Variants in MICAL2 observed in about 807,000 individuals in gnomAD.
MICAL2 encodes microtubule associated monooxygenase, calponin and LIM domain containing 2, also known as [F-actin]-monooxygenase MICAL2.
In MICAL2, 77 loss-of-function variants were observed where a neutral mutation model predicts 127.3. The observed-to-expected ratio is 0.60, with a 90% CI of 0.50 to 0.73. The LOEUF (loss-of-function observed/expected upper bound fraction) is 0.73. Ranked by LOEUF, MICAL2 falls within the 30% of genes least tolerant of loss-of-function variation. The probability of loss-of-function intolerance (pLI) is 0.00; values close to 1 mark genes in which losing one functional copy is unlikely to be tolerated. For missense variants in MICAL2, 1,351 were observed against 1,434.4 expected (o/e 0.94, Z 0.94); for synonymous variants, 570 against 551.1 (o/e 1.03, Z -0.48).
rs532207082 is a variant in MICAL2, at chr11:12,215,704, C to T, written c.848-515C>T. Among the ~76,000 whole-genome samples, 6 of 152,326 alleles carry T rather than the reference C, an allele frequency of 3.9e-5. No individual in the cohort carries two copies. The South Asian group carries it at 1.2e-3, about 32-fold the overall frequency. ...GTGGAAAGCACAAAAAGATACAGCCCAGCCTTCTAACCTGAGTTGTTCCTA... is the reference window on the plus strand; with the variant it reads ...GTGGAAAGCACAAAAAGATACAGCCTAGCCTTCTAACCTGAGTTGTTCCTA... On this transcript the variant is annotated intron_variant, in intron 7 of 27. Coordinates refer to ENST00000683283, the MANE Select transcript of MICAL2 (RefSeq NM_001282663.2).
chr11:12,201,485 C>A (rs895062993), intron 3 of MICAL2, among the ~76,000 whole-genome samples: 1 of 151,422 alleles, frequency 6.6e-6, no homozygotes, highest in African/African-American at 2.4e-5. Flanking sequence ...GGAGTGGGTG[C>A]GCATTCCCTT....
chr11:12,276,011 G>A (rs564899511), upstream of MICAL2: 8 of 399,320 alleles, frequency 2.0e-5, no homozygotes, highest in Admixed American at 4.4e-5. Flanking sequence ...CCAAGAGGCC[G>A]AAGAGCATCT....
chr11:12,286,727 T>G (rs1235262032), intron 2 of MICAL2, among the ~76,000 whole-genome samples: 1 of 151,896 alleles, frequency 6.6e-6, no homozygotes, highest in African/African-American at 2.4e-5. Context: ...ATTAAAAAAT[T>G]ATCTGCGTGT....
intron 2 of MICAL2, among the ~76,000 whole-genome samples, chr11:12,159,669 G>A (rs886439395): frequency 1.3e-5 from 2 of 152,150 alleles, no homozygotes; most frequent in African/African-American, 4.8e-5. Flanking sequence ...TGTGTTTTTC[G>A]GCCAGCCACT....
At chr11:12,127,621 G>A (rs1042899671) in intron 1 of MICAL2, among the ~76,000 whole-genome samples, 5 of 152,184 alleles carry the variant, frequency 3.3e-5, no homozygotes, top group African/African-American at 1.2e-4. Flanking sequence ...GGGACTTTGG[G>A]AGCACAGGGA....
intron 2 of MICAL2, among the ~76,000 whole-genome samples, chr11:12,149,310 G>A (rs533253407): frequency 4.3e-4 from 65 of 152,294 alleles, no homozygotes; most frequent in Admixed American, 3.3e-3. Flanking sequence ...GGTAGTTTTT[G>A]TTTTGCTCCA....
At position 12,326,222 on chromosome 11, in the gene MICAL2, G is replaced by A. The variant is rs569510517; in HGVS notation, c.5422-951G>A. The stretch of plus-strand genomic sequence containing the variant: ...AAAGTAAAACAGAGGAGGAACACAG[G>A]CATTCTGTCTGCCCAAACAACTGAC... On this transcript the variant is annotated intron_variant, in intron 31 of 34. Transcript: ENST00000646065. Among the ~76,000 whole-genome samples the A allele has an allele frequency of 5.3e-5, 8 of 152,282 alleles. No homozygotes were observed. In the East Asian group the frequency reaches 1.5e-3, roughly 29 times the overall value.
chr11:12,237,679 G>A (rs1859274616), intron 16 of MICAL2, among the ~76,000 whole-genome samples: 1 of 152,178 alleles, frequency 6.6e-6, no homozygotes, highest in African/African-American at 2.4e-5. Flanking sequence ...CAACGGTTTT[G>A]CTTTAAGTCA....
intron 26 of MICAL2, chr11:12,261,002 G>A (rs2134708523): frequency 1.0e-6 from 1 of 985,538 alleles, no homozygotes; most frequent in Non-Finnish European, 1.2e-6. Flanking sequence ...TCAACTGATG[G>A]CATTTTAGCC....
chr11:12,208,309 A>G (rs1197697965), intron 5 of MICAL2, 170 bp downstream of exon 5: 2 of 567,170 alleles, frequency 3.5e-6, no homozygotes, highest in Non-Finnish European at 6.2e-6. Flanking sequence ...CTATGACTTT[A>G]GGTTTGCTGT....
At chr11:12,191,375 C>T (rs750109622) in intron 3 of MICAL2, among the ~76,000 whole-genome samples, 28 of 150,206 alleles carry the variant, frequency 1.9e-4, no homozygotes, top group Non-Finnish European at 3.4e-4. Flanking sequence ...AGGAGGCTGA[C>T]GCAGGAGAGT....
At chr11:12,320,052 T>C (rs1296982507) in intron 30 of MICAL2, among the ~76,000 whole-genome samples, 2 of 152,182 alleles carry the variant, frequency 1.3e-5, no homozygotes, top group African/African-American at 4.8e-5. Flanking sequence ...ACATATTTAC[T>C]TGAAACCATT....
chr11:12,137,244 G>A (rs771067535), intron 1 of MICAL2, among the ~76,000 whole-genome samples: 10 of 151,978 alleles, frequency 6.6e-5, no homozygotes, highest in East Asian at 3.9e-4. Flanking sequence ...CCAGGTGGCC[G>A]CCCTTGGAGC....
At chr11:12,138,502 G>A (rs1334155686) in intron 2 of MICAL2, 42 bp downstream of exon 2, 1 of 152,194 alleles carries the variant, frequency 6.6e-6, no homozygotes, top group Non-Finnish European at 1.5e-5. Flanking sequence ...CCGTGGAGTA[G>A]CTCCTGGGGG....
chr11:12,346,363 G>A (rs546128256), intron 32 of MICAL2, among the ~76,000 whole-genome samples: 24 of 152,304 alleles, frequency 1.6e-4, no homozygotes, highest in African/African-American at 5.5e-4. Flanking sequence ...GCAGCTGCAT[G>A]GCAGATAGAA....
chr11:12,324,609 A>G (rs1293287491), intron 31 of MICAL2, among the ~76,000 whole-genome samples: 5 of 152,198 alleles, frequency 3.3e-5, no homozygotes, highest in Non-Finnish European at 5.9e-5. Flanking sequence ...ATGAAGCAGA[A>G]ATTCAAGGCA....
chr11:12,327,997 G>A (rs988636346), intron 32 of MICAL2, among the ~76,000 whole-genome samples: 3 of 152,180 alleles, frequency 2.0e-5, no homozygotes, highest in Non-Finnish European at 4.4e-5. Flanking sequence ...TCTAAAATGG[G>A]GATAATGGTG....
chr11:12,148,430 G>A (rs1565039790), intron 2 of MICAL2, among the ~76,000 whole-genome samples: 4 of 152,298 alleles, frequency 2.6e-5, no homozygotes, highest in Admixed American at 2.0e-4. Context: ...TACAAGGGCT[G>A]TAGGGAGCCC....
intron 13 of MICAL2, 149 bp from the exon 14 acceptor site, chr11:12,226,022 G>T: frequency 2.9e-6 from 2 of 701,456 alleles, no homozygotes; most frequent in East Asian, 5.2e-5. Flanking sequence ...AGAACTGGGA[G>T]TAGGGGCTGG....
Sources: allele counts gnomAD v4.1 joint callset (sites outside exome capture counted in the v4.1 genomes callset), GRCh38; gene constraint gnomAD v4.1.1; transcripts MANE v1.5; gene names NCBI Gene and HGNC (gene_info 2026-07-23, HGNC 2026-07-21).